GPRC5D: variants seen among roughly 807,000 people sequenced by gnomAD.
GPRC5D encodes G protein-coupled receptor family C group 5 member D.
Under a neutral mutation model 29.3 loss-of-function variants are expected in GPRC5D, and 20 were observed. The ratio of observed to expected loss-of-function variants is 0.68; its 90% CI spans 0.48 to 0.99. The LOEUF is 0.99. GPRC5D is among the 50% of genes least tolerant of loss of function. The pLI is 0.00. For missense variants in GPRC5D, 384 were observed against 423.6 expected, an observed-to-expected ratio of 0.91 and a Z score of 0.82; for synonymous variants, 178 against 171.3, an observed-to-expected ratio of 1.04 and a Z score of -0.30.
At chr12:12,944,846 CTTCCTTCT>C (rs1252551238) in intron 1 of GPRC5D, among the ~76,000 whole-genome samples, 95 of 31,194 alleles carry the variant, frequency 3.0e-3, no homozygotes, top group African/African-American at 7.6e-3. Flanking sequence ...TCCTTCCTTC[CTTCCTTCT>C]TTCTTTCTTT....
chr12:12,942,797 G>A (rs545202626), intron 1 of GPRC5D, among the ~76,000 whole-genome samples: 7 of 152,284 alleles, frequency 4.6e-5, no homozygotes, highest in Admixed American at 1.3e-4. Flanking sequence ...ATGATTTAAA[G>A]GAGTGTATTT....
chr12:12,944,966 TCC>T (rs1282558071), intron 1 of GPRC5D, among the ~76,000 whole-genome samples: 83 of 142,212 alleles, frequency 5.8e-4, no homozygotes, highest in Non-Finnish European at 9.3e-4. Flanking sequence ...TCCTTTTCTT[TCC>T]TTTTCTTTTT....
exon 1 of GPRC5D, chr12:12,950,144 T>C (rs1863456103): frequency 6.2e-7 from 1 of 1,613,910 alleles, no homozygotes; most frequent in African/African-American, 1.3e-5. Flanking sequence ...AGCTCGATGA[T>C]GAAGGCAAAA....
chr12:12,945,717 A>T (rs1863297705), intron 1 of GPRC5D, among the ~76,000 whole-genome samples: 1 of 152,224 alleles, frequency 6.6e-6, no homozygotes, highest in African/African-American at 2.4e-5. Flanking sequence ...TTGCATTTTA[A>T]TTGCTTCATT....
At chr12:12,945,660 A>G (rs1400566252) in intron 1 of GPRC5D, among the ~76,000 whole-genome samples, 1 of 152,250 alleles carries the variant, frequency 6.6e-6, no homozygotes, top group African/African-American at 2.4e-5. Flanking sequence ...GTAAATGGAA[A>G]GTAGTTAAAC....
At chr12:12,942,056 T>C (rs560020951) in intron 2 of GPRC5D, among the ~76,000 whole-genome samples, 1 of 152,298 alleles carries the variant, frequency 6.6e-6, no homozygotes, top group Non-Finnish European at 1.5e-5. Context: ...CGATGAAGAC[T>C]GGGAGGGTTT....
intron 1 of GPRC5D, 69 bp from the exon 3 acceptor site, chr12:12,942,397 A>G: frequency 1.1e-6 from 1 of 945,020 alleles, no homozygotes; most frequent in Non-Finnish European, 1.7e-6. Flanking sequence ...CATGAGGACT[A>G]CAGGAAAACT....
exon 1 of GPRC5D, chr12:12,950,055 A>G (rs759443096): frequency 1.9e-6 from 3 of 1,614,084 alleles, no homozygotes; most frequent in Non-Finnish European, 2.5e-6. Flanking sequence ...GATTGGAGGC[A>G]TGAGCTAAGA....
rs563087507 is a variant in GPRC5D, at chr12:12,946,537, C to T, written c.895+2953G>A. ...TGGTGTGATCTCGGCTCACTGCAAC[C>T]TCTGCCTCCCAGGTTCAAGTGATTC... On this transcript the variant is annotated intron_variant, in intron 1 of 2. Transcript: ENST00000228887. Among the ~76,000 whole-genome samples, 10 of 150,538 alleles carry T rather than the reference C, an allele frequency of 6.6e-5. No individual in the cohort carries two copies. In the South Asian group the frequency reaches 1.5e-3, roughly 22 times the overall value.
intron 1 of GPRC5D, among the ~76,000 whole-genome samples, chr12:12,947,620 A>G (rs949361635): frequency 6.8e-6 from 1 of 146,854 alleles, no homozygotes; most frequent in African/African-American, 2.5e-5. Context: ...GCTGGAGTGC[A>G]GTGGTGTAAC....
In GPRC5D at chr12:12,949,618, A is replaced by AG; in HGVS notation, c.766dup (p.Leu256ProfsTer6). On this transcript the variant is annotated frameshift_variant, in exon 1 of 3. Coordinates refer to ENST00000228887, the Ensembl canonical transcript of GPRC5D. LOFTEE classifies it high-confidence loss of function. ...AATGCAGAGCTCAGGGACGATGTAC[A>AG]GCAGCAGGAAAACCCATGCGTTGGT... The AG allele has an allele frequency of 6.2e-7, 1 of 1,614,220 alleles. No individual in the cohort carries two copies. The highest frequency in any genetic ancestry group is 8.5e-7 in the Non-Finnish European group (1 of 1,180,022).
chr12:12,944,128 T>A (rs957632466), intron 1 of GPRC5D, among the ~76,000 whole-genome samples: 11 of 152,204 alleles, frequency 7.2e-5, no homozygotes, highest in Non-Finnish European at 1.3e-4. Context: ...TTTGTTTTTT[T>A]AAATTGAAAT....
In GPRC5D at chr12:12,940,856, A is replaced by G. The variant is rs1211243531; in HGVS notation, c.964-7T>C. 17 of 1,564,090 alleles carry G rather than the reference A, an allele frequency of 1.1e-5. No homozygotes were observed. The highest frequency in any genetic ancestry group is 1.5e-5 in the Non-Finnish European group (17 of 1,134,268). On this transcript the variant is annotated splice_polypyrimidine_tract_variant and splice_region_variant and intron_variant, in intron 2 of 2. Transcript: ENST00000228887. ...CTTGTGTGGGATCAACAGTCTGGAAAGGAAGAAATGCCATCATCAACTTTC... is the reference window on the plus strand; with the variant it reads ...CTTGTGTGGGATCAACAGTCTGGAAGGGAAGAAATGCCATCATCAACTTTC...
intron 1 of GPRC5D, among the ~76,000 whole-genome samples, chr12:12,947,834 A>G (rs184672275): frequency 1.4e-4 from 22 of 152,282 alleles, no homozygotes; most frequent in Admixed American, 1.1e-3. Context: ...TTGGGATTAC[A>G]GGTGTGAGCC....
rs752220590 is a variant in GPRC5D at position 12,942,250 on chromosome 12, AG to A, written c.963+10del. On this transcript the variant is annotated intron_variant, in intron 2 of 2. Coordinates refer to ENST00000228887, the Ensembl canonical transcript of GPRC5D. ...AGTCCCTCCTGGGTGAATATAGGCG[AG>A]TACATTTACCTGCGGCTGAATGGGA... 2 of 1,557,874 alleles carry A rather than the reference AG, an allele frequency of 1.3e-6. No homozygotes were observed. The highest frequency in any genetic ancestry group is 3.3e-5 in the Admixed American group (2 of 59,910).
In GPRC5D at chr12:12,949,488, A is replaced by G. The variant is rs1863430796; in HGVS notation, c.895+2T>C. ...TGCTCCCTGAATCCCCCAGGAATGT[A>G]CCTCTGGAGAGCTCCTGGTTCTCCA... On this transcript the variant is annotated splice_donor_variant, in intron 1 of 2. Coordinates refer to ENST00000228887, the Ensembl canonical transcript of GPRC5D. LOFTEE classifies it high-confidence loss of function. The G allele has an allele frequency of 6.2e-7, 1 of 1,608,070 alleles. No individual in the cohort carries two copies. The highest frequency in any genetic ancestry group is 8.5e-7 in the Non-Finnish European group (1 of 1,176,044).
exon 1 of GPRC5D, chr12:12,949,819 TTGGAGA>T (rs778542849): frequency 3.1e-6 from 5 of 1,613,832 alleles, no homozygotes. Context: ...GAAGGTGGCT[TTGGAGA>T]CGAAGAATGT....
rs184053505 is a variant in GPRC5D, at chr12:12,942,366, G to A, written c.896-38C>T. On this transcript the variant is annotated intron_variant, in intron 1 of 2. Transcript: ENST00000228887. Reference sequence around the variant, plus strand: ...GGAGGGAAGGGCTGGGTTAGTGTCCGAGAGTCAATCGGAAACAGCACATGA... The same window carrying A: ...GGAGGGAAGGGCTGGGTTAGTGTCCAAGAGTCAATCGGAAACAGCACATGA... 5.9e-5 allele frequency: 81 copies of A among 1,374,524 alleles called. 1 individual carries two copies. In the Admixed American group the frequency reaches 1.0e-3, roughly 18 times the overall value. 85.1% of individuals were successfully genotyped at this position (1,374,524 alleles called of 1,614,324 possible).
intron 1 of GPRC5D, among the ~76,000 whole-genome samples, chr12:12,947,790 G>A (rs1309612709): frequency 6.6e-6 from 1 of 152,104 alleles, no homozygotes; most frequent in Non-Finnish European, 1.5e-5. Flanking sequence ...CTCCTGAGCT[G>A]AAGTGGTCCA....
Sources: allele counts gnomAD v4.1 joint callset (sites outside exome capture counted in the v4.1 genomes callset), GRCh38; gene constraint gnomAD v4.1.1; transcripts MANE v1.5; gene names NCBI Gene and HGNC (gene_info 2026-07-23, HGNC 2026-07-21).